TAF1: variants seen among roughly 807,000 people sequenced by gnomAD.
TAF1 encodes transcription initiation factor TFIID subunit 1.
In TAF1, 2 loss-of-function variants were observed where a neutral mutation model predicts 138.5. The observed-to-expected ratio is 0.01, with a 90% confidence interval of 0.01 to 0.05. The LOEUF (loss-of-function observed/expected upper bound fraction) is 0.05, where lower values mean the gene tolerates loss of function less well. TAF1 is among the 10% of genes least tolerant of loss of function. TAF1 has a pLI of 1.00. For missense variants in TAF1, 709 were observed against 1,478.0 expected (o/e 0.48, Z 8.53); for synonymous variants, 437 against 503.2 (o/e 0.87, Z 1.76).
intron 34 of TAF1, 80 bp downstream of exon 34, chrX:71,454,937 T>C: frequency 1.7e-6 from 2 of 1,188,082 alleles, no homozygotes; most frequent in South Asian, 3.7e-5. Flanking sequence ...CAAATCCGTT[T>C]ACTGAGATAC....
chrX:71,479,420 A>G (rs1171180960), intron 13 of TAF1, among the ~76,000 whole-genome samples: 1 of 111,037 alleles, frequency 9.0e-6, no homozygotes, highest in African/African-American at 3.3e-5. Context: ...AAAAATACAA[A>G]AATTAGCCGG....
At chrX:71,380,960 G>A (rs1432632717) in intron 8 of TAF1, among the ~76,000 whole-genome samples, 1 of 111,588 alleles carries the variant, frequency 9.0e-6, no homozygotes, top group Non-Finnish European at 1.9e-5. Flanking sequence ...CAAAATGCTG[G>A]GATTACAGGC....
chrX:71,424,274 G>A (rs763429986), intron 32 of TAF1, 36 bp downstream of exon 32: 34 of 1,121,579 alleles, frequency 3.0e-5, no homozygotes, highest in Middle Eastern at 2.4e-4. Flanking sequence ...CCATGAATCC[G>A]TCCATCTTCT....
Position 71,382,877 on chromosome X carries a change from A to G in TAF1, c.1773+9A>G. Reference sequence around the variant, plus strand: ...GAGGGAATATTATCCAGGTACAAATAGTGTCTTTTCTGTGATAGAGGAGAA... The same window carrying G: ...GAGGGAATATTATCCAGGTACAAATGGTGTCTTTTCTGTGATAGAGGAGAA... On this transcript the variant is annotated intron_variant, in intron 11 of 37. Coordinates refer to ENST00000423759, the MANE Select transcript of TAF1 (RefSeq NM_004606.5). 1 of 1,200,560 alleles carries G rather than the reference A, an allele frequency of 8.3e-7. No individual in the cohort carries two copies. The highest frequency in any genetic ancestry group is 1.1e-6 in the Non-Finnish European group (1 of 890,091).
Position 71,502,294 on chromosome X carries a change from G to A in TAF1, c.1367-26248G>A, listed in dbSNP as rs147223231. On this transcript the variant is annotated intron_variant and NMD_transcript_variant, in intron 13 of 14. Coordinates refer to the TAF1 transcript ENST00000373775. ...ACAATCCTTTAGCTAGACACAGAGC[G>A]CTGATTGGTGCGTTTTTACAGAGTG... is the stretch of plus-strand genomic sequence containing the variant. 6.5e-4 allele frequency among the ~76,000 whole-genome samples: 72 copies of A among 110,886 alleles called. No individual in the cohort carries two copies. In the East Asian group the frequency reaches 0.018, roughly 28 times the overall value.
At position 71,423,129 on chromosome X, in the gene TAF1, T is replaced by C; in HGVS notation, c.4465T>C (p.Leu1489=). ...DEKLKEKEDK[L]ARLEKAINPL... ...TGTTTAATTTCAGAAAGAAGACAAA[T>C]TAGCTCGCTTAGAGAAAGCTATCAA... is the stretch of plus-strand genomic sequence containing the variant. Residue 1489 remains leucine, a synonymous_variant, in exon 30 of 38, where the codon TTA becomes CTA. Coordinates refer to ENST00000423759, the MANE Select transcript of TAF1 (RefSeq NM_004606.5). 1 of 1,211,549 alleles carries C rather than the reference T, an allele frequency of 8.3e-7. No individual in the cohort carries two copies.
intron 32 of TAF1, among the ~76,000 whole-genome samples, chrX:71,450,135 G>A (rs549804998): frequency 1.8e-5 from 2 of 111,266 alleles, no homozygotes; most frequent in South Asian, 7.6e-4. Context: ...TTTCTGTGAG[G>A]ATACAACTTT....
Position 71,378,520 on chromosome X carries a change from C to T in TAF1, c.1152+67C>T, listed in dbSNP as rs1602466595. The T allele has an allele frequency of 3.5e-6, 4 of 1,139,041 alleles. No homozygotes were observed. The East Asian group carries it at 1.2e-4, about 34-fold the overall frequency. The allele number at this position is 1,139,041 out of a possible 1,213,427, so 93.9% of individuals were successfully genotyped here. ...GGTCCTATTACTTTTACTAACTTTA[C>T]TCTTTAATTGGGGAGATACTGGGTG... On this transcript the variant is annotated intron_variant, in intron 7 of 37. Transcript: ENST00000423759.
At chrX:71,427,934 G>A (rs183970673) in intron 32 of TAF1, among the ~76,000 whole-genome samples, 1 of 96,944 alleles carries the variant, frequency 1.0e-5, no homozygotes, top group African/African-American at 3.9e-5. Context: ...GTGAGACTTA[G>A]TCTAAGAAGG....
chrX:71,465,404 C>T lies in TAF1; in HGVS notation c.*1358C>T, dbSNP rs2038720128. On this transcript the variant is annotated 3_prime_UTR_variant, in exon 38 of 38. Transcript: ENST00000423759. Reference sequence around the variant, plus strand: ...CTGATTGTTTTAGAATTAGTAGAAGCTTGCCAGATGGAAAAGTCCAGGCAA... The same window carrying T: ...CTGATTGTTTTAGAATTAGTAGAAGTTTGCCAGATGGAAAAGTCCAGGCAA... 1 of 111,966 alleles carries T rather than the reference C, an allele frequency of 8.9e-6. No individual in the cohort carries two copies. Among genetic ancestry groups the T allele is most frequent in the Non-Finnish European group, 1.9e-5 (1 of 53,235 alleles). 9.2% of individuals were successfully genotyped at this position (111,966 alleles called of 1,213,427 possible). A position where few individuals can be genotyped will look rare whatever the true frequency, so the allele number is the denominator to read the frequency against.
At chrX:71,440,319 G>A (rs749001617) in intron 32 of TAF1, among the ~76,000 whole-genome samples, 1 of 111,633 alleles carries the variant, frequency 9.0e-6, no homozygotes, top group African/African-American at 3.3e-5. Flanking sequence ...TTGTACCAGC[G>A]TTTGTTCAAA....
Position 71,379,042 on chromosome X carries a change from G to C in TAF1, c.1360+11G>C, listed in dbSNP as rs748238017. 1.7e-6 allele frequency: 2 copies of C among 1,198,483 alleles called. No homozygotes were observed. The highest frequency in any genetic ancestry group is 3.6e-5 in the African/African-American group (2 of 55,396). On this transcript the variant is annotated intron_variant, in intron 8 of 37. Coordinates refer to ENST00000423759, the MANE Select transcript of TAF1 (RefSeq NM_004606.5). ...ACAATGTTCAGCAAGGTGTGCTTCT[G>C]TGCCAGCTGTGTCTAGCAGATACTG...
Position 71,378,934 on chromosome X carries a change from T to C in TAF1, c.1263T>C (p.Asp421=). The change falls in exon 8 of 38, where the codon GAT becomes GAC. Residue 421 remains aspartate, a synonymous_variant. Transcript: ENST00000423759. Reference sequence around the variant, plus strand: ...ATGATATCATCTGGGATGGGGAGGATGTCAAACACAAAGGGACAAAACCTC... The same window carrying C: ...ATGATATCATCTGGGATGGGGAGGACGTCAAACACAAAGGGACAAAACCTC... ...WEDDIIWDGE[D]VKHKGTKPQR... is the part of the protein sequence containing the mutation. The C allele has an allele frequency of 8.3e-7, 1 of 1,210,509 alleles. No homozygotes were observed. The highest frequency in any genetic ancestry group is 1.1e-6 in the Non-Finnish European group (1 of 895,303).
intron 36 of TAF1, 119 bp downstream of exon 36, chrX:71,459,827 T>A (rs777970015): frequency 2.8e-5 from 31 of 1,112,890 alleles, no homozygotes; most frequent in Non-Finnish European, 3.7e-5. Context: ...TTTATTGAAT[T>A]CCTATTAATA....
At chrX:71,367,412 C>T in intron 1 of TAF1, 87 bp from the exon 2 acceptor site, 2 of 1,077,768 alleles carry the variant, frequency 1.9e-6, no homozygotes, top group South Asian at 3.9e-5. Flanking sequence ...GGATTTGTGA[C>T]TTTGTCGTGG....
chrX:71,526,557 T>C (rs1423469209), intron 13 of TAF1, among the ~76,000 whole-genome samples: 1 of 112,088 alleles, frequency 8.9e-6, no homozygotes, highest in Non-Finnish European at 1.9e-5. Flanking sequence ...AGTGCAACCT[T>C]AAAATAATTT....
At chrX:71,369,040 CAG>C (rs1260824712) in intron 3 of TAF1, 1 of 107,471 alleles carries the variant, frequency 9.3e-6, no homozygotes, top group African/African-American at 3.4e-5. Flanking sequence ...TTAGTAGAGA[CAG>C]GGTTTCACCG....
rs1358985102 is a variant in TAF1, at chrX:71,377,632, A to G, written c.744A>G (p.Pro248=). ...KVLRFLRLFG[P]GKNVPSVWRS... is the part of the protein sequence containing the mutation. ...TACGTTTTCTACGTCTTTTTGGACC[A>G]GGGAAGAATGTCCCATCTGTTTGGC... Residue 248 remains proline, a synonymous_variant, in exon 6 of 38, where the codon CCA becomes CCG. Transcript: ENST00000423759. 1.7e-6 allele frequency: 2 copies of G among 1,209,617 alleles called. No individual in the cohort carries two copies. Among genetic ancestry groups the G allele is most frequent in the African/African-American group, 3.5e-5 (2 of 57,096 alleles).
At position 71,377,085 on chromosome X, in the gene TAF1, C is replaced by G. The variant is rs1419900678; in HGVS notation, c.608C>G (p.Ser203Cys). 1 of 1,211,618 alleles carries G rather than the reference C, an allele frequency of 8.3e-7. No individual in the cohort carries two copies. The highest frequency in any genetic ancestry group is 1.1e-6 in the Non-Finnish European group (1 of 895,551). ...MGPQEATQAE[S>C]EDGKLTLPLA... ...CCTCAGGAAGCAACACAGGCAGAATCTGAAGATGGAAAGCTGACCCTTCCA... is the reference window on the plus strand; with the variant it reads ...CCTCAGGAAGCAACACAGGCAGAATGTGAAGATGGAAAGCTGACCCTTCCA... The change falls in exon 5 of 38, where the codon TCT becomes TGT. Residue 203 changes from serine (S) to cysteine (C), a missense_variant. By Grantham distance (112) the Ser-to-Cys change is moderately radical. Around this residue, in one of 14 missense-constraint regions of TAF1, gnomAD observed 123 missense variants for 161.6 expected, o/e 0.76. Coordinates refer to ENST00000423759, the MANE Select transcript of TAF1 (RefSeq NM_004606.5).
Sources: gnomAD v4.1 joint callset for allele counts (sites outside exome capture counted in the v4.1 genomes callset) on GRCh38, gnomAD v4.1.1 for gene constraint, gnomAD v4.1.1 regional missense constraint, MANE v1.5 for transcripts, NCBI Gene and HGNC (gene_info 2026-07-23, HGNC 2026-07-21) for gene names.